CCDC13: variants seen among roughly 807,000 people sequenced by gnomAD.
CCDC13 encodes coiled-coil domain containing 13.
Under a neutral mutation model 87.3 loss-of-function variants are expected in CCDC13, and 70 were observed. The observed-to-expected ratio is 0.80, with a 90% CI of 0.66 to 0.98. The LOEUF (loss-of-function observed/expected upper bound fraction) is 0.98. CCDC13 is among the 50% of genes least tolerant of loss of function. The pLI, the probability that CCDC13 is intolerant of heterozygous loss-of-function variation, is 0.00. For missense variants in CCDC13, 842 were observed against 892.0 expected (o/e 0.94, Z 0.71); for synonymous variants, 317 against 360.3 (o/e 0.88, Z 1.36).
At chr3:42,761,929 CA>C (rs1254799249) in intron 1 of CCDC13, among the ~76,000 whole-genome samples, 1 of 152,204 alleles carries the variant, frequency 6.6e-6, no homozygotes, top group Non-Finnish European at 1.5e-5. Flanking sequence ...TCTACCTACC[CA>C]AACAGCTTCA....
chr3:42,729,028 A>C (rs1698756968), intron 13 of CCDC13, among the ~76,000 whole-genome samples: 1 of 152,228 alleles, frequency 6.6e-6, no homozygotes, highest in Non-Finnish European at 1.5e-5. Context: ...CTGAAGTGCC[A>C]GCTGCATGAG....
At chr3:42,735,110 G>A (rs990637860) in intron 10 of CCDC13, among the ~76,000 whole-genome samples, 6 of 152,198 alleles carry the variant, frequency 3.9e-5, no homozygotes, top group Admixed American at 6.5e-5. Flanking sequence ...CAGGGGTCCT[G>A]GGGCTTCCTG....
In CCDC13 at chr3:42,707,483, A is replaced by G. The variant is rs1288072188; in HGVS notation, c.*1497T>C. Among the ~76,000 whole-genome samples, 5 of 152,144 alleles carry G rather than the reference A, an allele frequency of 3.3e-5. No individual in the cohort carries two copies. The highest frequency in any genetic ancestry group is 6.5e-5 in the Admixed American group (1 of 15,284). On this transcript the variant is annotated 3_prime_UTR_variant, in exon 16 of 16. Coordinates refer to ENST00000310232, the MANE Select transcript of CCDC13 (RefSeq NM_144719.4). ...AGTGGGGGCCAGCTAGGGTCCCTCCATAGCCCCATCCCCAAGGAAGGGGCT... is the reference window on the plus strand; with the variant it reads ...AGTGGGGGCCAGCTAGGGTCCCTCCGTAGCCCCATCCCCAAGGAAGGGGCT...
At chr3:42,748,778 C>G (rs776976087) in intron 5 of CCDC13, among the ~76,000 whole-genome samples, 1 of 152,174 alleles carries the variant, frequency 6.6e-6, no homozygotes, top group African/African-American at 2.4e-5. Flanking sequence ...GAACAGCCAA[C>G]GTGAACAGAA....
chr3:42,744,649 C>A (rs749214197), intron 7 of CCDC13, among the ~76,000 whole-genome samples: 1 of 150,902 alleles, frequency 6.6e-6, no homozygotes, highest in East Asian at 1.9e-4. Flanking sequence ...ACTAAAAATA[C>A]AAAAAATTAG....
At chr3:42,759,224 G>A (rs140548520) in intron 1 of CCDC13, among the ~76,000 whole-genome samples, 83 of 151,812 alleles carry the variant, frequency 5.5e-4, no homozygotes, top group African/African-American at 1.8e-3. Context: ...TGGCAAGATC[G>A]CTTGAGCCCA....
chr3:42,715,435 C>G (rs1245599433), intron 13 of CCDC13, among the ~76,000 whole-genome samples: 1 of 151,918 alleles, frequency 6.6e-6, no homozygotes, highest in Non-Finnish European at 1.5e-5. Flanking sequence ...ATGGTAAAAC[C>G]CCATATCTAC....
At chr3:42,745,810 A>C in intron 7 of CCDC13, 113 bp downstream of exon 7, 249 of 646,538 alleles carry the variant, frequency 3.9e-4, no homozygotes, top group Non-Finnish European at 5.0e-4. Flanking sequence ...TGTGAGACCT[A>C]AAGGCCTTTT....
In CCDC13 at chr3:42,708,940, G is replaced by A; in HGVS notation, c.*40C>T. On this transcript the variant is annotated 3_prime_UTR_variant, in exon 16 of 16. Coordinates refer to ENST00000310232, the MANE Select transcript of CCDC13 (RefSeq NM_144719.4). ...ACAGAGTCTTATCCTCTCAAGACCT[G>A]AGGCTGCCCACCCGGCCAGGCCGAC... 1 of 1,581,968 alleles carries A rather than the reference G, an allele frequency of 6.3e-7. No individual in the cohort carries two copies.
intron 1 of CCDC13, among the ~76,000 whole-genome samples, chr3:42,761,990 G>T (rs1296242453): frequency 6.6e-6 from 1 of 152,180 alleles, no homozygotes; most frequent in Non-Finnish European, 1.5e-5. Flanking sequence ...CTCACACACA[G>T]GGGTGGTCCC....
chr3:42,735,211 G>A (rs1405996427), intron 10 of CCDC13, among the ~76,000 whole-genome samples: 1 of 152,162 alleles, frequency 6.6e-6, no homozygotes, highest in Admixed American at 6.5e-5. Context: ...TGTGCTTCAC[G>A]CTGCGCGTAG....
chr3:42,715,481 G>A (rs562659687), intron 13 of CCDC13, among the ~76,000 whole-genome samples: 5 of 152,040 alleles, frequency 3.3e-5, no homozygotes, highest in East Asian at 3.9e-4. Context: ...GCACGGTGGC[G>A]TGTGCTTGTA....
intron 12 of CCDC13, among the ~76,000 whole-genome samples, chr3:42,731,679 C>A (rs1222902878): frequency 6.6e-6 from 1 of 152,090 alleles, no homozygotes; most frequent in Non-Finnish European, 1.5e-5. Context: ...GAGCAAAGGG[C>A]CGATTCTTCA....
At chr3:42,745,834 G>T (rs1699376591) in intron 7 of CCDC13, 89 bp downstream of exon 7, 3 of 1,014,844 alleles carry the variant, frequency 3.0e-6, no homozygotes, top group Non-Finnish European at 4.5e-6. Context: ...GGTACTGTGT[G>T]CTTAGGTCTC....
intron 10 of CCDC13, 47 bp downstream of exon 10, chr3:42,735,660 T>A (rs1455483226): frequency 6.3e-7 from 1 of 1,587,294 alleles, no homozygotes; most frequent in Non-Finnish European, 8.6e-7. Context: ...CTGGATGGAC[T>A]TGCCCGGCTT....
intron 14 of CCDC13, among the ~76,000 whole-genome samples, chr3:42,710,468 C>T (rs1698284266): frequency 6.6e-6 from 1 of 152,110 alleles, no homozygotes. Flanking sequence ...TACCAGTGGT[C>T]CCCATCCAGG....
intron 13 of CCDC13, chr3:42,718,892 G>T (rs2125873105): frequency 6.6e-6 from 1 of 152,222 alleles, no homozygotes; most frequent in Non-Finnish European, 1.5e-5. Flanking sequence ...GATGGGATTG[G>T]GTTAGAGGCC....
chr3:42,705,639 G>T (rs550949229), downstream of CCDC13, among the ~76,000 whole-genome samples: 3 of 152,300 alleles, frequency 2.0e-5, no homozygotes, highest in East Asian at 5.8e-4. Context: ...GATCTGGCCA[G>T]GGCCCTTGGT....
At chr3:42,769,191 A>C (rs904217313) in intron 1 of CCDC13, among the ~76,000 whole-genome samples, 3 of 152,224 alleles carry the variant, frequency 2.0e-5, no homozygotes, top group Non-Finnish European at 4.4e-5. Context: ...ACTCCTCAAC[A>C]AAAAAGAAAT....
Sources: gnomAD v4.1 joint callset for allele counts (sites outside exome capture counted in the v4.1 genomes callset) on GRCh38, gnomAD v4.1.1 for gene constraint, MANE v1.5 for transcripts, NCBI Gene and HGNC (gene_info 2026-07-23, HGNC 2026-07-21) for gene names.